Variants in ASPRV1 observed in about 807,000 individuals in gnomAD.
ASPRV1 encodes the protein retroviral-like aspartic protease 1.
Under a neutral mutation model 11.0 loss-of-function variants are expected in ASPRV1, and 7 were observed. That is an observed-to-expected ratio of 0.64 (90% CI 0.36 to 1.20). ASPRV1 has a LOEUF of 1.20. Among genes scored for constraint, ASPRV1 ranks in the 50% most tolerant of loss-of-function variants. ASPRV1 has a pLI of 0.02. For synonymous variants in ASPRV1, 136 were observed against 138.4 expected (o/e 0.98, Z 0.12); for missense variants, 299 against 320.0 (o/e 0.93, Z 0.50).
the ASPRV1 span, chr2:70,086,509 AC>A: frequency 6.6e-6 from 1 of 151,466 alleles, no homozygotes; most frequent in African/African-American, 2.4e-5. Flanking sequence ...GCGGGCCCTG[AC>A]GGGGCCGCCC....
At chr2:70,037,690 C>T in the ASPRV1 span, among the ~76,000 whole-genome samples, 2 of 151,850 alleles carry the variant, frequency 1.3e-5, no homozygotes, top group African/African-American at 2.4e-5. Flanking sequence ...ATGTTGAAAA[C>T]TGTTTTTAAC....
chr2:69,984,610 CTTTTTTTTTT>C, the ASPRV1 span, among the ~76,000 whole-genome samples: 6 of 65,342 alleles, frequency 9.2e-5, no homozygotes, highest in Non-Finnish European at 1.3e-4. Context: ...TCAGGTCCAG[CTTTTTTTTTT>C]TTTTTTTTTT....
chr2:70,039,032 T>G, the ASPRV1 span, among the ~76,000 whole-genome samples: 1 of 147,430 alleles, frequency 6.8e-6, no homozygotes, highest in Non-Finnish European at 1.5e-5. Context: ...TAAGCCGAGA[T>G]CATGCCATGG....
At chr2:70,002,341 G>A in the ASPRV1 span, among the ~76,000 whole-genome samples, 2 of 152,122 alleles carry the variant, frequency 1.3e-5, no homozygotes, top group African/African-American at 4.8e-5. Flanking sequence ...GGTAAGACTG[G>A]GTAAGGTTTG....
the ASPRV1 span, among the ~76,000 whole-genome samples, chr2:69,980,315 C>T: frequency 5.2e-4 from 79 of 152,162 alleles, no homozygotes; most frequent in Non-Finnish European, 1.1e-3. Flanking sequence ...TGAAAAAATC[C>T]GTAAACTCAT....
chr2:70,017,469 T>A, the ASPRV1 span, among the ~76,000 whole-genome samples: 1 of 151,598 alleles, frequency 6.6e-6, no homozygotes, highest in Non-Finnish European at 1.5e-5. Flanking sequence ...TTTCGTAAGA[T>A]TAGTAATAAG....
chr2:70,084,058 C>T, the ASPRV1 span, among the ~76,000 whole-genome samples: 10 of 152,102 alleles, frequency 6.6e-5, no homozygotes, highest in African/African-American at 2.4e-4. Context: ...AAGGGAGAAA[C>T]TGTTAAGACT....
chr2:70,044,232 T>C, the ASPRV1 span, among the ~76,000 whole-genome samples: 22 of 152,152 alleles, frequency 1.4e-4, no homozygotes, highest in Admixed American at 9.2e-4. Flanking sequence ...GAAATTTCAA[T>C]TGTGGGATCC....
chr2:70,044,854 T>C, the ASPRV1 span, among the ~76,000 whole-genome samples: 4 of 152,114 alleles, frequency 2.6e-5, no homozygotes, highest in African/African-American at 9.7e-5. Flanking sequence ...CACCACACCC[T>C]CACCTCTGGC....
downstream of ASPRV1, among the ~76,000 whole-genome samples, chr2:69,955,785 C>A (rs1028776991): frequency 3.3e-5 from 5 of 151,990 alleles, no homozygotes; most frequent in African/African-American, 1.2e-4. Flanking sequence ...TAGACTAAGT[C>A]CTAGAGTGTG....
chr2:70,019,384 C>G, the ASPRV1 span, among the ~76,000 whole-genome samples: 1 of 152,120 alleles, frequency 6.6e-6, no homozygotes. Context: ...GTAGAACTAC[C>G]ATATGATCCA....
the ASPRV1 span, chr2:70,016,451 GATT>G: frequency 6.8e-6 from 1 of 147,050 alleles, no homozygotes; most frequent in Non-Finnish European, 1.5e-5. Context: ...GAGACAGGAG[GATT>G]ACTTGAGCCC....
At chr2:70,032,070 C>A in the ASPRV1 span, 8 of 152,192 alleles carry the variant, frequency 5.3e-5, no homozygotes, top group Non-Finnish European at 1.2e-4. Context: ...CTTATCCCAC[C>A]AGAATCTGGT....
At chr2:70,048,022 T>C in the ASPRV1 span, among the ~76,000 whole-genome samples, 1 of 146,778 alleles carries the variant, frequency 6.8e-6, no homozygotes, top group African/African-American at 2.6e-5. Flanking sequence ...GGCAGGAGAA[T>C]TGCTTAAATC....
At chr2:69,957,058 T>G (rs1189213866), downstream of ASPRV1, among the ~76,000 whole-genome samples, 7 of 152,154 alleles carry the variant, frequency 4.6e-5, no homozygotes. Context: ...GAAAATAATC[T>G]GGGGGCCAAC....
the ASPRV1 span, among the ~76,000 whole-genome samples, chr2:70,074,133 CAAAAAAAAAAAAA>C: frequency 2.9e-3 from 23 of 7,816 alleles, no homozygotes; most frequent in South Asian, 6.3e-3. Context: ...AACTTCATCT[CAAAAAAAAAAAAA>C]AAAAAAAAAA....
chr2:69,957,065 C>T (rs1677955212), downstream of ASPRV1, among the ~76,000 whole-genome samples: 1 of 152,040 alleles, frequency 6.6e-6, no homozygotes. Flanking sequence ...ATCTGGGGGC[C>T]AACAATGTTC....
At chr2:70,041,520 T>C in the ASPRV1 span, among the ~76,000 whole-genome samples, 1 of 152,150 alleles carries the variant, frequency 6.6e-6, no homozygotes, top group Non-Finnish European at 1.5e-5. Context: ...AAGAGAAATT[T>C]AATAGGGAAA....
chr2:70,070,126 C>G, the ASPRV1 span, among the ~76,000 whole-genome samples: 1 of 134,264 alleles, frequency 7.4e-6, no homozygotes. Flanking sequence ...TTGCAGTGAG[C>G]TGGGATCGTG....
Sources: gnomAD v4.1 joint callset for allele counts (sites outside exome capture counted in the v4.1 genomes callset) on GRCh38, gnomAD v4.1.1 for gene constraint, MANE v1.5 for transcripts, NCBI Gene and HGNC (gene_info 2026-07-23, HGNC 2026-07-21) for gene names.